The following RITA1 variants were observed in gnomAD, a reference collection of about 807,000 sequenced individuals.
RITA1 encodes the protein RBPJ-interacting and tubulin-associated protein 1.
RITA1 carries 15 observed loss-of-function variants against 8.7 expected under a neutral mutation model. The observed-to-expected ratio is 1.72, with a 90% CI of 1.15 to 2.65. The LOEUF is 2.65. RITA1 is among the 30% of genes most tolerant of loss of function. The probability of loss-of-function intolerance (pLI) is 0.00; values close to 1 mark genes in which losing one functional copy is unlikely to be tolerated. For synonymous variants in RITA1, 145 were observed against 156.2 expected, an observed-to-expected ratio of 0.93 and a Z score of 0.53; for missense variants, 330 against 363.8, an observed-to-expected ratio of 0.91 and a Z score of 0.76.
Position 113,186,264 on chromosome 12 carries a change from A to G in RITA1, c.-117A>G, listed in dbSNP as rs185094454. 6.4e-6 allele frequency: 9 copies of G among 1,403,140 alleles called. No individual in the cohort carries two copies. In the African/African-American group the frequency reaches 8.7e-5, roughly 14 times the overall value. The allele number at this position is 1,403,140 out of a possible 1,614,324, so 86.9% of individuals were successfully genotyped here. A position where few individuals can be genotyped will look rare whatever the true frequency, so the allele number is the denominator to read the frequency against. On this transcript the variant is annotated 5_prime_UTR_variant, in exon 2 of 4. Transcript: ENST00000548278. ...ATGGACAAATTCGAAGCTACTTCAC[A>G]GTGCTGTTGAGAGGATTAAATGAAA...
rs1952615166 is a variant in RITA1 at position 113,191,989 on chromosome 12, G to A, written c.*172G>A. On this transcript the variant is annotated 3_prime_UTR_variant, in exon 4 of 4. Transcript: ENST00000548278. The surrounding 1 kb of genome is among the most constrained non-coding windows in gnomAD (Gnocchi z 4.0). ...CCCTTTATCCTGACAATCTCTAGTC[G>A]ATTCTTGCCTTTTTCTCCCGATTGC... is the stretch of plus-strand genomic sequence containing the variant. 1 of 852,026 alleles carries A rather than the reference G, an allele frequency of 1.2e-6. No individual in the cohort carries two copies. Among genetic ancestry groups the A allele is most frequent in the Non-Finnish European group, 1.7e-6 (1 of 577,856 alleles). The allele number at this position is 852,026 out of a possible 1,614,324, so 52.8% of individuals were successfully genotyped here. A position where few individuals can be genotyped will look rare whatever the true frequency, so the allele number is the denominator to read the frequency against.
At position 113,191,485 on chromosome 12, in the gene RITA1, C is replaced by T. The variant is rs746245558; in HGVS notation, c.478C>T (p.Pro160Ser). The T allele has an allele frequency of 1.9e-6, 3 of 1,604,378 alleles. No homozygotes were observed. In the South Asian group the frequency reaches 3.3e-5, roughly 18 times the overall value. ...CCACTCGCCCCGCCCCAGGGAGGCA[C>T]CACTGCGAGCCATTCACCCAGCTGG... is the stretch of plus-strand genomic sequence containing the variant. ...GSHSPRPREA[P>S]LRAIHPAGPS... The change falls in exon 4 of 4, where the codon CCA (proline) becomes TCA (serine). Residue 160 changes from proline to serine, a missense_variant. By Grantham distance (74) the Pro-to-Ser change is moderately conservative (BLOSUM62 -1). Coordinates refer to ENST00000548278, the MANE Select transcript of RITA1 (RefSeq NM_032848.3). This position sits in a 1 kb window ranked among gnomAD's most constrained non-coding sequence, Gnocchi z 4.0.
chr12:113,186,597 C>T, intron 2 of RITA1, 86 bp from the exon 3 acceptor site: 1 of 1,444,284 alleles, frequency 6.9e-7, no homozygotes, highest in Non-Finnish European at 9.1e-7. Context: ...GAACTAAACC[C>T]TTGGGATGAG....
chr12:113,190,799 G>C (rs973927592), intron 3 of RITA1, among the ~76,000 whole-genome samples: 1 of 152,248 alleles, frequency 6.6e-6, no homozygotes, highest in African/African-American at 2.4e-5. Context: ...GGCTGGAACT[G>C]TCTGTCTCCA....
At chr12:113,187,996 A>C (rs1952556766) in intron 3 of RITA1, among the ~76,000 whole-genome samples, 1 of 152,078 alleles carries the variant, frequency 6.6e-6, no homozygotes. Flanking sequence ...TTAGCACAGT[A>C]GTTGGCTAGG....
At position 113,186,758 on chromosome 12, in the gene RITA1, C is replaced by T. The variant is rs200720243; in HGVS notation, c.12C>T (p.Pro4=). The T allele has an allele frequency of 4.1e-5, 66 of 1,613,214 alleles. No individual in the cohort carries two copies. Among genetic ancestry groups the T allele is most frequent in the Non-Finnish European group, 4.6e-5 (54 of 1,179,784 alleles). Residue 4 remains proline, a synonymous_variant, in exon 3 of 4, where the codon CCC becomes CCT. Transcript: ENST00000548278. The part of the protein sequence containing the change: MKT[P]VELAVSGMQT... The stretch of plus-strand genomic sequence containing the variant: ...GGACCACAGGCAGCATGAAGACCCC[C>T]GTGGAGCTGGCCGTCAGTGGGATGC...
At position 113,191,178 on chromosome 12, in the gene RITA1, G is replaced by T; in HGVS notation, c.303-132G>T. On this transcript the variant is annotated intron_variant, in intron 3 of 3. Coordinates refer to ENST00000548278, the MANE Select transcript of RITA1 (RefSeq NM_032848.3). This position sits in a 1 kb window ranked among gnomAD's most constrained non-coding sequence, Gnocchi z 4.0. ...TGGCCTCGCTGTAGGTTTCAGACTG[G>T]GAGACAAGGACTCCTGGGATCTGCA... The T allele has an allele frequency of 8.4e-7, 1 of 1,197,130 alleles. No individual in the cohort carries two copies. The highest frequency in any genetic ancestry group is 2.6e-5 in the East Asian group (1 of 38,846). The allele number at this position is 1,197,130 out of a possible 1,614,324, so 74.2% of individuals were successfully genotyped here. A position where few individuals can be genotyped will look rare whatever the true frequency, so the allele number is the denominator to read the frequency against.
rs776374179 is a variant in RITA1, at chr12:113,191,357, C to T, written c.350C>T (p.Ser117Phe). 1.3e-6 allele frequency: 2 copies of T among 1,578,370 alleles called. No homozygotes were observed. Among genetic ancestry groups the T allele is most frequent in the South Asian group, 1.2e-5 (1 of 86,012 alleles). Residue 117 changes from serine (S) to phenylalanine (F), a missense_variant, in exon 4 of 4, where the codon TCC becomes TTC. By Grantham distance (155) the Ser-to-Phe change is radical. Coordinates refer to ENST00000548278, the MANE Select transcript of RITA1 (RefSeq NM_032848.3). The surrounding 1 kb of genome is among the most constrained non-coding windows in gnomAD (Gnocchi z 4.0). ...TACTGTGATGAGTCGCTGTTTGGCT[C>T]CCGATCTGAAGGCGCCAGCTTCGGG... ...PSYCDESLFG[S>F]RSEGASFGAP...
rs969207419 is a variant in RITA1, at chr12:113,191,901, A to T, written c.*84A>T. ...GTAGGAGGACATTCATCACCCAGGG[A>T]ACCCCAGGTATTAAAGAAGCCCCTG... On this transcript the variant is annotated 3_prime_UTR_variant, in exon 4 of 4. Transcript: ENST00000548278. This position sits in a 1 kb window ranked among gnomAD's most constrained non-coding sequence, Gnocchi z 4.0. 1 of 1,493,198 alleles carries T rather than the reference A, an allele frequency of 6.7e-7. No homozygotes were observed. The highest frequency in any genetic ancestry group is 1.4e-5 in the African/African-American group (1 of 71,146). 92.5% of individuals were successfully genotyped at this position (1,493,198 alleles called of 1,614,324 possible).
intron 3 of RITA1, among the ~76,000 whole-genome samples, chr12:113,188,755 C>T (rs951619222): frequency 1.4e-5 from 2 of 146,794 alleles, no homozygotes; most frequent in African/African-American, 5.1e-5. Flanking sequence ...TTAGGATCCC[C>T]TACCCTTATA....
Position 113,191,946 on chromosome 12 carries a change from C to T in RITA1, c.*129C>T. 8.5e-7 allele frequency: 1 copy of T among 1,176,548 alleles called. No individual in the cohort carries two copies. The allele number at this position is 1,176,548 out of a possible 1,614,324, so 72.9% of individuals were successfully genotyped here. A position where few individuals can be genotyped will look rare whatever the true frequency, so the allele number is the denominator to read the frequency against. ...CCCCTGTGGGGGCAGACAGACATAG[C>T]AGGGGTGGGCAGTGCCTCCCTTTAT... is the stretch of plus-strand genomic sequence containing the variant. On this transcript the variant is annotated 3_prime_UTR_variant, in exon 4 of 4. Transcript: ENST00000548278. This position sits in a 1 kb window ranked among gnomAD's most constrained non-coding sequence, Gnocchi z 4.0.
Position 113,188,182 on chromosome 12 carries a change from G to C in RITA1, c.302+1134G>C, listed in dbSNP as rs149554529. ...TCCTGCCTCAGTCTCCTGAGTAGCT[G>C]GGACTACAGGCACATGCCACCATGC... is the stretch of plus-strand genomic sequence containing the variant. On this transcript the variant is annotated intron_variant, in intron 3 of 3. Transcript: ENST00000548278. Among the ~76,000 whole-genome samples the C allele has an allele frequency of 7.6e-3, 1,147 of 151,396 alleles. 20 individuals are homozygous for C. The highest frequency in any genetic ancestry group is 0.025 in the African/African-American group (1,045 of 41,170).
rs1952605913 is a variant in RITA1 at position 113,191,653 on chromosome 12, AG to A, written c.647del (p.Ser216MetfsTer18). On this transcript the variant is annotated frameshift_variant, in exon 4 of 4. Transcript: ENST00000548278. LOFTEE classifies it low-confidence loss of function (END_TRUNC). The surrounding 1 kb of genome is among the most constrained non-coding windows in gnomAD (Gnocchi z 4.0). ...CCCCAGCACTGGTCATCCAGCCACC[AG>A]TGCCCCCCACACAAATGGGCCTCAG... ...NVPSTGHPAT[S>X]APHTNGPQDL... 1 of 1,614,006 alleles carries A rather than the reference AG, an allele frequency of 6.2e-7. No individual in the cohort carries two copies.
rs749744274 is a variant in RITA1, at chr12:113,186,733, G to A, written c.-14G>A. The A allele has an allele frequency of 7.5e-6, 12 of 1,610,306 alleles. No individual in the cohort carries two copies. Among genetic ancestry groups the A allele is most frequent in the Non-Finnish European group, 1.0e-5 (12 of 1,177,646 alleles). On this transcript the variant is annotated 5_prime_UTR_variant, in exon 3 of 4. Coordinates refer to ENST00000548278, the MANE Select transcript of RITA1 (RefSeq NM_032848.3). ...GGCAGAGCACACCTGCTGTCACCAG[G>A]GACCACAGGCAGCATGAAGACCCCC...
chr12:113,186,368 C>A (rs1382994217), intron 2 of RITA1, 52 bp downstream of exon 2: 4 of 1,370,146 alleles, frequency 2.9e-6, no homozygotes. Context: ...CATCAGTACA[C>A]ATAGGAAAGT....
intron 3 of RITA1, among the ~76,000 whole-genome samples, chr12:113,187,822 A>G (rs1164141860): frequency 2.6e-5 from 4 of 152,174 alleles, no homozygotes; most frequent in African/African-American, 9.6e-5. Flanking sequence ...AGTTAGAAAA[A>G]TAGGAACTAA....
chr12:113,191,425 C>T lies in RITA1; in HGVS notation c.418C>T (p.Leu140Phe), dbSNP rs767313400. 5 of 1,609,200 alleles carry T rather than the reference C, an allele frequency of 3.1e-6. No individual in the cohort carries two copies. The highest frequency in any genetic ancestry group is 4.2e-6 in the Non-Finnish European group (5 of 1,176,754). ...GGGGGATGCCGCAAAGCTCCGTGCT[C>T]TCTTGTGGACGCCACCACCTACCCC... ...AKGDAAKLRA[L>F]LWTPPPTPRG... is the part of the protein sequence containing the mutation. Residue 140 changes from leucine (L) to phenylalanine (F), a missense_variant, in exon 4 of 4, where the codon CTC (leucine) becomes TTC (phenylalanine). Physicochemically the swap from Leu to Phe is conservative, Grantham distance 22. Coordinates refer to ENST00000548278, the MANE Select transcript of RITA1 (RefSeq NM_032848.3). The surrounding 1 kb of genome is among the most constrained non-coding windows in gnomAD (Gnocchi z 4.0).
intron 3 of RITA1, 116 bp downstream of exon 3, chr12:113,187,164 C>A: frequency 9.1e-7 from 1 of 1,103,432 alleles, no homozygotes; most frequent in Non-Finnish European, 1.3e-6. Context: ...CTCTCTGAGC[C>A]AGTTTACTCA....
At chr12:113,186,067 T>G (rs1320099022) in intron 1 of RITA1, 46 bp downstream of exon 1, 15 of 1,535,780 alleles carry the variant, frequency 9.8e-6, no homozygotes, top group Non-Finnish European at 1.3e-5. Flanking sequence ...CACTTTTTAA[T>G]CGGGTCATTG....
Sources: gnomAD v4.1 joint callset for allele counts (sites outside exome capture counted in the v4.1 genomes callset) on GRCh38, gnomAD v4.1.1 for gene constraint, Gnocchi (gnomAD v3.1) non-coding constraint, MANE v1.5 for transcripts, NCBI Gene and HGNC (gene_info 2026-07-23, HGNC 2026-07-21) for gene names.